The following ACSS1 variants were observed in gnomAD, a reference collection of about 807,000 sequenced individuals.
ACSS1 encodes the protein acyl-CoA synthetase short chain family member 1.
In ACSS1, 42 loss-of-function variants were observed where a neutral mutation model predicts 75.3. The ratio of observed to expected loss-of-function variants is 0.56; its 90% CI spans 0.44 to 0.72. The LOEUF (loss-of-function observed/expected upper bound fraction) is 0.72. Among genes scored for constraint, ACSS1 ranks in the 30% least tolerant of loss-of-function variants. The pLI, the probability that ACSS1 is intolerant of heterozygous loss-of-function variation, is 0.00. For missense variants in ACSS1, 782 were observed against 935.7 expected, an observed-to-expected ratio of 0.84 and a Z score of 2.14; for synonymous variants, 380 against 376.8, an observed-to-expected ratio of 1.01 and a Z score of -0.10.
In ACSS1 at chr20:25,051,455, T is replaced by C. The variant is rs2089173666; in HGVS notation, c.335-3274A>G. On this transcript the variant is annotated intron_variant, in intron 1 of 13. Transcript: ENST00000323482. The stretch of plus-strand genomic sequence containing the variant: ...TTCATCCCTTAAGTAGAAGACATTC[T>C]CTTTTTTGGCCCAAATCAGTGCTTC... 2.0e-5 allele frequency among the ~76,000 whole-genome samples: 3 copies of C among 152,354 alleles called. No homozygotes were observed. The South Asian group carries it at 6.2e-4, about 32-fold the overall frequency.
chr20:25,011,859 C>T (rs899981875), intron 12 of ACSS1: 1 of 152,324 alleles, frequency 6.6e-6, no homozygotes, highest in African/African-American at 2.4e-5. Flanking sequence ...GCAAGCCTGA[C>T]CCCAAGCCAC....
chr20:25,041,118 C>T (rs1237493326), intron 2 of ACSS1, among the ~76,000 whole-genome samples: 1 of 152,004 alleles, frequency 6.6e-6, no homozygotes, highest in Non-Finnish European at 1.5e-5. Context: ...ATTAGCCGGG[C>T]GTGGTGGCAG....
Position 25,035,096 on chromosome 20 carries a change from A to G in ACSS1, c.432-4138T>C, listed in dbSNP as rs571096166. Among the ~76,000 whole-genome samples, 8 of 151,514 alleles carry G rather than the reference A, an allele frequency of 5.3e-5. No individual in the cohort carries two copies. The East Asian group carries it at 1.4e-3, about 26-fold the overall frequency. ...ATTTTTAGTAGAGACGGGGTTTCAC[A>G]GTGTTCACCAGGATGATCTCAATCT... On this transcript the variant is annotated intron_variant, in intron 2 of 13. Transcript: ENST00000323482.
At chr20:25,039,025 C>A (rs1298478238) in intron 2 of ACSS1, among the ~76,000 whole-genome samples, 1 of 152,138 alleles carries the variant, frequency 6.6e-6, no homozygotes, top group East Asian at 1.9e-4. Flanking sequence ...CCTCACCCCA[C>A]CCTCAGTTCA....
At chr20:25,012,977 G>A (rs771118647) in intron 10 of ACSS1, 38 bp from the exon 11 acceptor site, 1 of 1,613,592 alleles carries the variant, frequency 6.2e-7, no homozygotes, top group South Asian at 1.1e-5. Context: ...CAGGAACCCT[G>A]AGCCAGGACC....
intron 3 of ACSS1, among the ~76,000 whole-genome samples, chr20:25,030,093 T>C (rs555060010): frequency 6.6e-6 from 1 of 152,150 alleles, no homozygotes; most frequent in Non-Finnish European, 1.5e-5. Context: ...CTCTACCCAT[T>C]AGTTCTATTT....
At chr20:25,031,532 G>A (rs766022945) in intron 2 of ACSS1, among the ~76,000 whole-genome samples, 56 of 152,160 alleles carry the variant, frequency 3.7e-4, no homozygotes, top group Non-Finnish European at 5.3e-4. Context: ...CAGCCTACCC[G>A]CAGGGAGACA....
chr20:25,057,418 TC>T (rs926751025), intron 1 of ACSS1, among the ~76,000 whole-genome samples: 7 of 152,106 alleles, frequency 4.6e-5, no homozygotes, highest in Admixed American at 4.6e-4. Flanking sequence ...AGCCCGCGGC[TC>T]CCCGCCGGCT....
At position 25,007,234 on chromosome 20, in the gene ACSS1, G is replaced by A; in HGVS notation, c.*528C>T. On this transcript the variant is annotated 3_prime_UTR_variant, in exon 14 of 14. Transcript: ENST00000323482. ...ATCCTCATGTTTCCTCACCAGTAGA[G>A]GCAAAAAAGGAGATTTTCATAACTA... is the stretch of plus-strand genomic sequence containing the variant. The A allele has an allele frequency of 5.2e-6, 6 of 1,160,786 alleles. No homozygotes were observed. The highest frequency in any genetic ancestry group is 1.6e-5 in the African/African-American group (1 of 63,506). The allele number at this position is 1,160,786 out of a possible 1,614,324, so 71.9% of individuals were successfully genotyped here. A position where few individuals can be genotyped will look rare whatever the true frequency, so the allele number is the denominator to read the frequency against.
Position 25,007,407 on chromosome 20 carries a change from T to TA in ACSS1, c.*354dup. 5 of 1,128,600 alleles carry TA rather than the reference T, an allele frequency of 4.4e-6. No individual in the cohort carries two copies. Among genetic ancestry groups the TA allele is most frequent in the Non-Finnish European group, 5.4e-6 (5 of 919,728 alleles). The allele number at this position is 1,128,600 out of a possible 1,614,324, so 69.9% of individuals were successfully genotyped here. ...GAAAACACGGTTGCTACTAGCTAAC[T>TA]AGCTCTGTGTTATCTGAGCAGGCGC... On this transcript the variant is annotated 3_prime_UTR_variant, in exon 14 of 14. Coordinates refer to ENST00000323482, the MANE Select transcript of ACSS1 (RefSeq NM_032501.4).
intron 1 of ACSS1, among the ~76,000 whole-genome samples, chr20:25,051,971 G>A (rs1264436376): frequency 2.6e-5 from 4 of 152,160 alleles, no homozygotes; most frequent in Non-Finnish European, 4.4e-5. Context: ...AAGGCAAACA[G>A]AACAACCCTC....
chr20:25,041,029 C>T (rs111895872), intron 2 of ACSS1, among the ~76,000 whole-genome samples: 1,874 of 152,232 alleles, frequency 0.012, 37 homozygotes, highest in African/African-American at 0.041. Flanking sequence ...GAGGCCAAGG[C>T]GGGTGGATCA....
At chr20:25,047,385 A>G (rs967626025) in intron 2 of ACSS1, among the ~76,000 whole-genome samples, 3 of 115,442 alleles carry the variant, frequency 2.6e-5, no homozygotes, top group African/African-American at 1.0e-4. Flanking sequence ...TGCCTCCTCC[A>G]AGAGGCCTTC....
intron 2 of ACSS1, among the ~76,000 whole-genome samples, chr20:25,039,331 C>T (rs2088965279): frequency 6.6e-6 from 1 of 152,228 alleles, no homozygotes; most frequent in Non-Finnish European, 1.5e-5. Flanking sequence ...ACTCCTATTG[C>T]AAAGGCTCCC....
intron 3 of ACSS1, among the ~76,000 whole-genome samples, chr20:25,027,732 C>T (rs1472779364): frequency 2.1e-5 from 3 of 145,406 alleles, no homozygotes; most frequent in African/African-American, 7.7e-5. Context: ...CACTTTTCAC[C>T]ACTGCAATTC....
In ACSS1 at chr20:25,012,664, C is replaced by G; in HGVS notation, c.1708G>C (p.Ala570Pro). 1.2e-6 allele frequency: 2 copies of G among 1,614,136 alleles called. No homozygotes were observed. Among genetic ancestry groups the G allele is most frequent in the Non-Finnish European group, 1.7e-6 (2 of 1,180,032 alleles). Residue 570 changes from alanine (A) to proline (P), a missense_variant and splice_region_variant, in exon 12 of 14, where the codon GCC becomes CCC. By Grantham distance (27) the Ala-to-Pro change is conservative. Coordinates refer to ENST00000323482, the MANE Select transcript of ACSS1 (RefSeq NM_032501.4). ...LGTAEIEDAI[A>P]DHPAVPESAV... ...CTTTCTGGTACTGCAGGGTGGTCGGCCTGTGTACAACAGAGAACAAAAGGG... is the reference window on the plus strand; with the variant it reads ...CTTTCTGGTACTGCAGGGTGGTCGGGCTGTGTACAACAGAGAACAAAAGGG...
intron 13 of ACSS1, 79 bp from the exon 14 acceptor site, chr20:25,008,020 A>G (rs1301854938): frequency 1.5e-5 from 23 of 1,515,402 alleles, no homozygotes; most frequent in Non-Finnish European, 1.7e-5. Flanking sequence ...TAAGATCAGA[A>G]GGGCTCTGCT....
rs982662805 is a variant in ACSS1 at position 25,012,874 on chromosome 20, T to A, written c.1645A>T (p.Met549Leu). 1.9e-6 allele frequency: 3 copies of A among 1,614,024 alleles called. No individual in the cohort carries two copies. The Admixed American group carries it at 5.0e-5, about 27-fold the overall frequency. Residue 549 changes from methionine (M) to leucine (L), a missense_variant, in exon 11 of 14, where the codon ATG becomes TTG. This residue lies in a region of ACSS1 where 405 missense variants were observed against 552.6 expected (regional missense o/e 0.73). Coordinates refer to ENST00000323482, the MANE Select transcript of ACSS1 (RefSeq NM_032501.4). ...EGGYYQITGR[M>L]DDVINISGHR... ...CCACTGATGTTGATGACATCATCCA[T>A]CCGCCCTGTGATCTGGTAATAGCCG...
Position 25,013,673 on chromosome 20 carries a change from C to A in ACSS1, c.1453-11G>T. ...CTCCACGACGCTGCCCTGTAGACCC[C>A]GGACATGCAAGTGAGACAGGGCAGG... On this transcript the variant is annotated splice_polypyrimidine_tract_variant and intron_variant, in intron 9 of 13. Coordinates refer to ENST00000323482, the MANE Select transcript of ACSS1 (RefSeq NM_032501.4). 1 of 1,588,550 alleles carries A rather than the reference C, an allele frequency of 6.3e-7. No individual in the cohort carries two copies. The highest frequency in any genetic ancestry group is 8.6e-7 in the Non-Finnish European group (1 of 1,166,170).
Sources: gnomAD v4.1 joint callset for allele counts (sites outside exome capture counted in the v4.1 genomes callset) on GRCh38, gnomAD v4.1.1 for gene constraint, gnomAD v4.1.1 regional missense constraint, MANE v1.5 for transcripts, NCBI Gene and HGNC (gene_info 2026-07-23, HGNC 2026-07-21) for gene names.